Variants in MLLT10 observed in about 807,000 individuals in gnomAD.
MLLT10 encodes the protein MLLT10 histone lysine methyltransferase DOT1L cofactor, also known as protein AF-10.
MLLT10 carries 30 observed loss-of-function variants against 129.1 expected under a neutral mutation model. The observed-to-expected ratio is 0.23, with a 90% confidence interval of 0.17 to 0.32. The LOEUF is 0.32. Ranked by LOEUF, MLLT10 falls within the 10% of genes least tolerant of loss-of-function variation. The pLI is 1.00. For missense variants in MLLT10, 1,119 were observed against 1,268.3 expected, an observed-to-expected ratio of 0.88 and a Z score of 1.79; for synonymous variants, 490 against 446.4, an observed-to-expected ratio of 1.10 and a Z score of -1.23.
chr10:21,612,038 G>A (rs1054064171), intron 5 of MLLT10, among the ~76,000 whole-genome samples: 4 of 152,170 alleles, frequency 2.6e-5, no homozygotes, highest in South Asian at 2.1e-4. Context: ...GGAAGAAGAG[G>A]TGTGGTAGAT....
rs1344035415 is a variant in MLLT10, at chr10:21,534,375, G to C, written c.-146G>C. On this transcript the variant is annotated 5_prime_UTR_variant, in exon 1 of 23. Transcript: ENST00000307729. ...ATGTGTGCCCTCTCCGGGCGCCCGCGTTAGCGGCCGGGTGGAGGTGGGGAG... is the reference window on the plus strand; with the variant it reads ...ATGTGTGCCCTCTCCGGGCGCCCGCCTTAGCGGCCGGGTGGAGGTGGGGAG... The C allele has an allele frequency of 8.5e-6, 3 of 352,928 alleles. No individual in the cohort carries two copies. The highest frequency in any genetic ancestry group is 1.6e-5 in the Non-Finnish European group (3 of 187,580). The allele number at this position is 352,928 out of a possible 1,614,324, so 21.9% of individuals were successfully genotyped here. A position where few individuals can be genotyped will look rare whatever the true frequency, so the allele number is the denominator to read the frequency against.
intron 3 of MLLT10, among the ~76,000 whole-genome samples, chr10:21,548,011 ATAAG>A (rs1392536682): frequency 2.0e-5 from 3 of 152,112 alleles, no homozygotes; most frequent in East Asian, 1.9e-4. Context: ...CTAGTAAGTA[ATAAG>A]TAAGAAAGTT....
In MLLT10 at chr10:21,635,646, TCTTTG is replaced by T. The variant is rs201846096; in HGVS notation, c.700-16021_700-16017del. 8.9e-3 allele frequency among the ~76,000 whole-genome samples: 1,347 copies of T among 151,996 alleles called. 13 individuals are homozygous for T. The highest frequency in any genetic ancestry group is 0.03 in the African/African-American group (1,260 of 41,506). On this transcript the variant is annotated intron_variant, in intron 8 of 22. Transcript: ENST00000307729. ...CTCCCAAAGTGCTGGGATTACAGGCTCTTTGCTTTGTTTTTATATTTGGGATTCAG... is the reference window on the plus strand; with the variant it reads ...CTCCCAAAGTGCTGGGATTACAGGCTCTTTGTTTTTATATTTGGGATTCAG...
intron 5 of MLLT10, among the ~76,000 whole-genome samples, chr10:21,604,485 G>A (rs2043863794): frequency 1.3e-5 from 2 of 152,150 alleles, no homozygotes; most frequent in South Asian, 4.1e-4. Context: ...AGCTACTCGG[G>A]TGGCGGAGGA....
At chr10:21,687,972 T>A (rs1438705920) in intron 13 of MLLT10, among the ~76,000 whole-genome samples, 1 of 152,236 alleles carries the variant, frequency 6.6e-6, no homozygotes, top group Non-Finnish European at 1.5e-5. Flanking sequence ...TAGGTAAGAC[T>A]TTTTCCATTT....
chr10:21,595,221 T>A (rs2042929392), intron 4 of MLLT10, 110 bp from the exon 5 acceptor site: 1 of 691,300 alleles, frequency 1.4e-6, no homozygotes, highest in Non-Finnish European at 2.3e-6. Context: ...GTTAATGTCC[T>A]TGTTGTGCAT....
chr10:21,713,982 T>G, intron 14 of MLLT10, 32 bp downstream of exon 14: 1 of 1,557,108 alleles, frequency 6.4e-7, no homozygotes, highest in Non-Finnish European at 8.7e-7. Context: ...TGACAGGTAA[T>G]AGGTGGGTTT....
At chr10:21,640,016 T>A (rs1245247191) in intron 8 of MLLT10, among the ~76,000 whole-genome samples, 1 of 151,836 alleles carries the variant, frequency 6.6e-6, no homozygotes. Context: ...ACTCTGCCGC[T>A]GTTCTGAAGC....
chr10:21,549,907 G>A (rs1327620051), intron 3 of MLLT10, among the ~76,000 whole-genome samples: 5 of 152,020 alleles, frequency 3.3e-5, no homozygotes, highest in Admixed American at 1.3e-4. Context: ...CCAAAGTGCT[G>A]GGATTACAGG....
At chr10:21,681,240 A>G in intron 11 of MLLT10, 92 bp from the exon 12 acceptor site, 81 of 1,431,484 alleles carry the variant, frequency 5.7e-5, no homozygotes, top group Non-Finnish European at 7.2e-5. Flanking sequence ...CTTTTAGGTG[A>G]ATTTCCCTCC....
chr10:21,540,820 T>C (rs1413223660), intron 3 of MLLT10, among the ~76,000 whole-genome samples: 3 of 152,216 alleles, frequency 2.0e-5, no homozygotes, highest in East Asian at 1.9e-4. Context: ...CCTAGGCATA[T>C]AGCAAAAGCA....
intron 3 of MLLT10, among the ~76,000 whole-genome samples, chr10:21,560,028 G>C (rs2038605024): frequency 6.6e-6 from 1 of 151,704 alleles, no homozygotes; most frequent in South Asian, 2.1e-4. Flanking sequence ...TTCCTGAGAC[G>C]GAGTTTCACT....
intron 5 of MLLT10, among the ~76,000 whole-genome samples, chr10:21,607,029 G>C (rs2044130001): frequency 6.6e-6 from 1 of 152,178 alleles, no homozygotes. Context: ...TTTGGAGACA[G>C]TAGGATTGCT....
chr10:21,650,181 T>TA (rs1195534960), intron 8 of MLLT10, among the ~76,000 whole-genome samples: 3 of 151,050 alleles, frequency 2.0e-5, no homozygotes, highest in South Asian at 2.1e-4. Flanking sequence ...CTCTCAAAAA[T>TA]AAAAAAAATA....
rs1177698711 is a variant in MLLT10 at position 21,743,067 on chromosome 10, AC to A, written c.*1086del. 8.7e-6 allele frequency: 2 copies of A among 230,566 alleles called. No homozygotes were observed. Among genetic ancestry groups the A allele is most frequent in the Non-Finnish European group, 1.7e-5 (2 of 116,354 alleles). 14.3% of individuals were successfully genotyped at this position (230,566 alleles called of 1,614,324 possible). A position where few individuals can be genotyped will look rare whatever the true frequency, so the allele number is the denominator to read the frequency against. The stretch of plus-strand genomic sequence containing the variant: ...CACTAGAGTTCCTGAAACAGGTGAA[AC>A]CTGTATGACAGCCCTTCCACTTTGG... On this transcript the variant is annotated 3_prime_UTR_variant, in exon 23 of 23. Coordinates refer to ENST00000307729, the MANE Select transcript of MLLT10 (RefSeq NM_001195626.3).
chr10:21,723,008 G>A (rs921475885), intron 14 of MLLT10, among the ~76,000 whole-genome samples: 2 of 152,080 alleles, frequency 1.3e-5, no homozygotes, highest in African/African-American at 4.8e-5. Context: ...TTAGATAAAT[G>A]CCTTTACTAG....
intron 3 of MLLT10, among the ~76,000 whole-genome samples, chr10:21,583,236 C>G (rs371453668): frequency 5.0e-4 from 76 of 152,228 alleles, no homozygotes; most frequent in African/African-American, 1.7e-3. Context: ...AGGACAGATA[C>G]AAATAGATAA....
chr10:21,582,543 A>C (rs1204144945), intron 3 of MLLT10, among the ~76,000 whole-genome samples: 5 of 152,260 alleles, frequency 3.3e-5, no homozygotes, highest in African/African-American at 1.2e-4. Flanking sequence ...TGTTTCAGAC[A>C]TCCACTGGGG....
intron 13 of MLLT10, among the ~76,000 whole-genome samples, chr10:21,708,226 A>G (rs1253809775): frequency 6.6e-6 from 1 of 152,136 alleles, no homozygotes; most frequent in African/African-American, 2.4e-5. Context: ...TGTCATTGCC[A>G]CCCTCTGTAC....
Sources: allele counts gnomAD v4.1 joint callset (sites outside exome capture counted in the v4.1 genomes callset), GRCh38; gene constraint gnomAD v4.1.1; transcripts MANE v1.5; gene names NCBI Gene and HGNC (gene_info 2026-07-23, HGNC 2026-07-21).